WNK1: variants seen among roughly 807,000 people sequenced by gnomAD.
The protein encoded by WNK1 is serine/threonine-protein kinase WNK1.
A neutral mutation model predicts 222.8 loss-of-function variants in WNK1; 38 were observed. That is an observed-to-expected ratio of 0.17 (90% CI 0.13 to 0.22). The LOEUF (loss-of-function observed/expected upper bound fraction) is 0.22, where lower values mean the gene tolerates loss of function less well. WNK1 is among the 10% of genes least tolerant of loss of function. WNK1 has a pLI of 1.00. For missense variants in WNK1, 2,348 were observed against 2,918.4 expected (o/e 0.80, Z 4.50); for synonymous variants, 1,090 against 1,092.9 (o/e 1.00, Z 0.05).
At chr12:758,373 CTTTTTT>C (rs397957357) in intron 1 of WNK1, among the ~76,000 whole-genome samples, 5 of 64,720 alleles carry the variant, frequency 7.7e-5, no homozygotes, top group East Asian at 5.0e-4. Flanking sequence ...TGCTATAGTT[CTTTTTT>C]TTTTTTTTTT....
intron 26 of WNK1, among the ~76,000 whole-genome samples, chr12:903,117 A>G (rs1955410858): frequency 6.6e-6 from 1 of 152,172 alleles, no homozygotes; most frequent in Admixed American, 6.6e-5. Flanking sequence ...TTTCCCTCAC[A>G]CATACCCCTG....
chr12:788,398 G>C (rs2369490), intron 1 of WNK1, among the ~76,000 whole-genome samples: 99,353 of 151,846 alleles, frequency 0.65, 33,490 homozygotes, highest in East Asian at 0.87. Flanking sequence ...ATAATTCATA[G>C]TTATACTCTG....
rs781550969 is a variant in WNK1 at position 882,052 on chromosome 12, C to A, written c.3351C>A (p.Arg1117=). The A allele has an allele frequency of 6.2e-7, 1 of 1,613,182 alleles. No individual in the cohort carries two copies. The highest frequency in any genetic ancestry group is 8.5e-7 in the Non-Finnish European group (1 of 1,179,582). The change falls in exon 14 of 28, where the codon CGC becomes CGA. Residue 1117 remains arginine, a synonymous_variant. Coordinates refer to ENST00000315939, the MANE Select transcript of WNK1 (RefSeq NM_018979.4). The part of the protein sequence containing the change: ...RSRSRHEKTS[R]PKLRILNVSN... Reference sequence around the variant, plus strand: ...GCTCTCGACATGAAAAAACTTCACGCCCAAAATTAAGAATTTTGAATGTAA... The same window carrying A: ...GCTCTCGACATGAAAAAACTTCACGACCAAAATTAAGAATTTTGAATGTAA...
intron 4 of WNK1, among the ~76,000 whole-genome samples, chr12:844,649 A>G (rs1949887845): frequency 6.6e-6 from 1 of 152,034 alleles, no homozygotes; most frequent in African/African-American, 2.4e-5. Flanking sequence ...GTCCATTACC[A>G]TACTTCTTGC....
intron 25 of WNK1, among the ~76,000 whole-genome samples, chr12:898,097 G>T (rs1954901206): frequency 6.6e-6 from 1 of 152,214 alleles, no homozygotes; most frequent in African/African-American, 2.4e-5. Flanking sequence ...TTGCAACTTA[G>T]ATGAATGTAA....
intron 4 of WNK1, among the ~76,000 whole-genome samples, chr12:848,149 G>A (rs1395440485): frequency 6.6e-6 from 1 of 152,134 alleles, no homozygotes; most frequent in Non-Finnish European, 1.5e-5. Flanking sequence ...TAACATTTCT[G>A]TTATTTGAAC....
Position 889,221 on chromosome 12 carries a change from G to A in WNK1, c.5446G>A (p.Gly1816Ser). 6.2e-7 allele frequency: 1 copy of A among 1,613,632 alleles called. No homozygotes were observed. Among genetic ancestry groups the A allele is most frequent in the Non-Finnish European group, 8.5e-7 (1 of 1,179,654 alleles). Residue 1816 changes from glycine to serine, a missense_variant and splice_region_variant, in exon 21 of 28, where the codon GGT becomes AGT. Gly to Ser is a moderately conservative substitution (Grantham distance 56, BLOSUM62 0). Around this residue, in one of 13 missense-constraint regions of WNK1, gnomAD observed 1,144 missense variants for 1,273.6 expected, o/e 0.90. Transcript: ENST00000315939. The stretch of plus-strand genomic sequence containing the variant: ...GATGATCACAGTGACTTCTGCGGTT[G>A]GTGTAAGTTTTGAAAATCTTGATAA... ...PEMITVTSAV[G>S]PVSMAAPTAI...
chr12:815,164 T>A (rs1947245358), intron 2 of WNK1, among the ~76,000 whole-genome samples: 1 of 152,232 alleles, frequency 6.6e-6, no homozygotes, highest in African/African-American at 2.4e-5. Flanking sequence ...GGCCATGGAC[T>A]GATATTGATC....
intron 24 of WNK1, among the ~76,000 whole-genome samples, chr12:897,086 CAT>C (rs1453156932): frequency 6.6e-6 from 1 of 152,046 alleles, no homozygotes; most frequent in Non-Finnish European, 1.5e-5. Flanking sequence ...TTATTAATAG[CAT>C]ATTGTATCAC....
chr12:758,402 A>G (rs1328721317), intron 1 of WNK1, among the ~76,000 whole-genome samples: 1 of 30,562 alleles, frequency 3.3e-5, no homozygotes, highest in East Asian at 1.9e-3. Context: ...TTTTTTTGAG[A>G]CGGAGTCTCG....
chr12:816,751 G>A (rs1947377872), intron 2 of WNK1, among the ~76,000 whole-genome samples: 1 of 152,110 alleles, frequency 6.6e-6, no homozygotes, highest in African/African-American at 2.4e-5. Context: ...AGTGTCCAGA[G>A]GCAAAACTGT....
In WNK1 at chr12:885,113, A is replaced by G. The variant is rs1480741817; in HGVS notation, c.4309A>G (p.Thr1437Ala). ...CCCGTCACTTCAAGTCCCCACATCC[A>G]CATCTGAGATCGTTGTTTCTAGTAC... ...TSPSLQVPTS[T>A]SEIVVSSTAL... The change falls in exon 19 of 28, where the codon ACA (threonine) becomes GCA (alanine). Residue 1437 changes from threonine (T) to alanine (A), a missense_variant. Physicochemically the swap from Thr to Ala is moderately conservative, Grantham distance 58. This residue lies in a region of WNK1 where 1,144 missense variants were observed against 1,273.6 expected (regional missense o/e 0.90). Transcript: ENST00000315939. 2.5e-6 allele frequency: 4 copies of G among 1,614,032 alleles called. No homozygotes were observed. The highest frequency in any genetic ancestry group is 1.3e-5 in the African/African-American group (1 of 74,898).
intron 2 of WNK1, 83 bp from the exon 3 acceptor site, chr12:826,959 G>C: frequency 9.0e-7 from 1 of 1,105,390 alleles, no homozygotes; most frequent in Non-Finnish European, 1.4e-6. Flanking sequence ...CCCATCTCCA[G>C]TCATGTTAGA....
At position 779,743 on chromosome 12, in the gene WNK1, G is replaced by A. The variant is rs542590870; in HGVS notation, c.759+25419G>A. ...CTGAAAGAAAAATTCACATACAGCC[G>A]TGTGAATTGACTGGACTGTGAAATT... On this transcript the variant is annotated intron_variant, in intron 1 of 27. Coordinates refer to ENST00000315939, the MANE Select transcript of WNK1 (RefSeq NM_018979.4). 1.8e-4 allele frequency among the ~76,000 whole-genome samples: 28 copies of A among 152,216 alleles called. No homozygotes were observed. The South Asian group carries it at 3.9e-3, about 21-fold the overall frequency.
chr12:761,913 A>G lies in WNK1; in HGVS notation c.759+7589A>G, dbSNP rs537457796. Among the ~76,000 whole-genome samples, 45 of 147,256 alleles carry G rather than the reference A, an allele frequency of 3.1e-4. 2 individuals are homozygous for G. The highest frequency in any genetic ancestry group is 4.9e-4 in the Non-Finnish European group (32 of 65,910). ...CATATTGCCCCTCTCACACACAGTC[A>G]TCCGTCAGTATACACAGGAGATTGG... On this transcript the variant is annotated intron_variant, in intron 1 of 27. Coordinates refer to ENST00000315939, the MANE Select transcript of WNK1 (RefSeq NM_018979.4).
chr12:755,921 G>C (rs1248358590), intron 1 of WNK1, among the ~76,000 whole-genome samples: 4 of 152,264 alleles, frequency 2.6e-5, no homozygotes, highest in Admixed American at 2.6e-4. Flanking sequence ...GTTGCAGTGA[G>C]CGGAGATCGC....
chr12:871,256 T>C lies in WNK1; in HGVS notation c.2140-9T>C, dbSNP rs1952121211. ...TCTCTAATTTGTTGTGTTCACTTCTTTCCTTCAGGCACAGGGGCAGAGCCA... is the reference window on the plus strand; with the variant it reads ...TCTCTAATTTGTTGTGTTCACTTCTCTCCTTCAGGCACAGGGGCAGAGCCA... On this transcript the variant is annotated splice_polypyrimidine_tract_variant and intron_variant, in intron 8 of 27. Coordinates refer to ENST00000315939, the MANE Select transcript of WNK1 (RefSeq NM_018979.4). 6.2e-7 allele frequency: 1 copy of C among 1,614,102 alleles called. No homozygotes were observed. The highest frequency in any genetic ancestry group is 8.5e-7 in the Non-Finnish European group (1 of 1,179,942).
intron 4 of WNK1, among the ~76,000 whole-genome samples, chr12:850,703 G>A (rs1442198799): frequency 1.3e-5 from 2 of 152,220 alleles, no homozygotes; most frequent in Non-Finnish European, 2.9e-5. Context: ...ATGGTTTTAG[G>A]TCTAACATTT....
chr12:896,450 T>A lies in WNK1; in HGVS notation c.5963T>A (p.Val1988Asp). 1 of 1,614,068 alleles carries A rather than the reference T, an allele frequency of 6.2e-7. No homozygotes were observed. The highest frequency in any genetic ancestry group is 1.1e-5 in the South Asian group (1 of 91,066). The change falls in exon 24 of 28, where the codon GTT (valine) becomes GAT (aspartate). Residue 1988 changes from valine to aspartate, a missense_variant. This residue lies in a region of WNK1 where 1,144 missense variants were observed against 1,273.6 expected (regional missense o/e 0.90). Coordinates refer to ENST00000315939, the MANE Select transcript of WNK1 (RefSeq NM_018979.4). Reference sequence around the variant, plus strand: ...CCTTTTATGGATTTGGAACAAGCTGTTCTTCCTGCTGTGATACCAAAGAAA... The same window carrying A: ...CCTTTTATGGATTTGGAACAAGCTGATCTTCCTGCTGTGATACCAAAGAAA... ...SPPFMDLEQA[V>D]LPAVIPKKEK... is the part of the protein sequence containing the mutation.
Sources: allele counts gnomAD v4.1 joint callset (sites outside exome capture counted in the v4.1 genomes callset), GRCh38; gene constraint gnomAD v4.1.1; regional missense constraint gnomAD v4.1.1; transcripts MANE v1.5; gene names NCBI Gene and HGNC (gene_info 2026-07-23, HGNC 2026-07-21).